CYLD: variants seen among roughly 807,000 people sequenced by gnomAD.
CYLD encodes the protein ubiquitin carboxyl-terminal hydrolase CYLD.
CYLD carries 26 observed loss-of-function variants against 104.5 expected under a neutral mutation model. The ratio of observed to expected loss-of-function variants is 0.25; its 90% CI spans 0.18 to 0.35. The LOEUF (loss-of-function observed/expected upper bound fraction) is 0.35. Ranked by LOEUF, CYLD falls within the 10% of genes least tolerant of loss-of-function variation. The pLI, the probability that CYLD is intolerant of heterozygous loss-of-function variation, is 1.00. For missense variants in CYLD, 703 were observed against 1,136.1 expected, an observed-to-expected ratio of 0.62 and a Z score of 5.48; for synonymous variants, 385 against 399.9, an observed-to-expected ratio of 0.96 and a Z score of 0.45.
At chr16:50,743,824 T>C (rs1482366454) in intron 2 of CYLD, among the ~76,000 whole-genome samples, 5 of 152,258 alleles carry the variant, frequency 3.3e-5, no homozygotes, top group African/African-American at 1.2e-4. Flanking sequence ...TGTTTCTTCT[T>C]ATATGTATAA....
intron 5 of CYLD, among the ~76,000 whole-genome samples, chr16:50,760,588 A>G (rs983818816): frequency 1.3e-5 from 2 of 152,038 alleles, no homozygotes; most frequent in Admixed American, 6.6e-5. Context: ...TCTTAATTTT[A>G]TATGTTAGAA....
Position 50,742,093 on chromosome 16 carries a change from AG to A in CYLD, c.-233del, listed in dbSNP as rs1965699325. On this transcript the variant is annotated 5_prime_UTR_variant, in exon 1 of 19. Coordinates refer to ENST00000427738, the MANE Select transcript of CYLD (RefSeq NM_001378743.1). ...GCAGGTGGGGGCGGGCCCAGGTAGC[AG>A]GTTTGGCTGCGCGGGGGCCGCGCGT... 1 of 152,234 alleles carries A rather than the reference AG, an allele frequency of 6.6e-6. No homozygotes were observed. Among genetic ancestry groups the A allele is most frequent in the Non-Finnish European group, 1.5e-5 (1 of 68,210 alleles). 9.4% of individuals were successfully genotyped at this position (152,234 alleles called of 1,614,324 possible).
intron 5 of CYLD, among the ~76,000 whole-genome samples, chr16:50,766,073 C>T (rs1352364543): frequency 6.6e-6 from 1 of 152,174 alleles, no homozygotes; most frequent in Non-Finnish European, 1.5e-5. Context: ...GCAAAACAGC[C>T]TTCTATTGGA....
At chr16:50,746,919 G>C (rs1216100109) in intron 2 of CYLD, among the ~76,000 whole-genome samples, 2 of 152,102 alleles carry the variant, frequency 1.3e-5, no homozygotes, top group Non-Finnish European at 2.9e-5. Flanking sequence ...TAGAGTAGGA[G>C]CTGTTGGTAT....
chr16:50,768,350 G>C (rs761651714), intron 5 of CYLD, among the ~76,000 whole-genome samples: 1 of 151,596 alleles, frequency 6.6e-6, no homozygotes, highest in Non-Finnish European at 1.5e-5. Flanking sequence ...TTTCTTGAGG[G>C]GAAAAAAAAG....
In CYLD at chr16:50,797,439, T is replaced by C. The variant is rs1972146160; in HGVS notation, c.*931T>C. 4.3e-6 allele frequency: 1 copy of C among 232,302 alleles called. No individual in the cohort carries two copies. The highest frequency in any genetic ancestry group is 1.8e-4 in the South Asian group (1 of 5,524). The allele number at this position is 232,302 out of a possible 1,614,324, so 14.4% of individuals were successfully genotyped here. ...TATTTTAGACAAGACTGTCTAGAAC[T>C]TAAGTTTGATCTGTCAGCCAGTACT... is the stretch of plus-strand genomic sequence containing the variant. On this transcript the variant is annotated 3_prime_UTR_variant, in exon 19 of 19. Coordinates refer to ENST00000427738, the MANE Select transcript of CYLD (RefSeq NM_001378743.1).
At chr16:50,777,755 C>A (rs574585185) in intron 7 of CYLD, 70 bp from the exon 8 acceptor site, 2 of 790,190 alleles carry the variant, frequency 2.5e-6, no homozygotes, top group African/African-American at 1.7e-5. Context: ...ATAATAATTT[C>A]TCTTACTAAA....
chr16:50,755,006 C>T (rs1376296867), intron 5 of CYLD, among the ~76,000 whole-genome samples: 1 of 10,900 alleles, frequency 9.2e-5, no homozygotes, highest in Non-Finnish European at 2.4e-4. Context: ...TGTATATATA[C>T]ATATATATGT....
Position 50,792,804 on chromosome 16 carries a change from TC to T in CYLD, c.2350+102del, listed in dbSNP as rs1360483227. 5 of 690,208 alleles carry T rather than the reference TC, an allele frequency of 7.2e-6. No individual in the cohort carries two copies. The Admixed American group carries it at 1.2e-4, about 17-fold the overall frequency. The allele number at this position is 690,208 out of a possible 1,614,324, so 42.8% of individuals were successfully genotyped here. A position where few individuals can be genotyped will look rare whatever the true frequency, so the allele number is the denominator to read the frequency against. ...TTAGACTCTAACTGGACACAGTATT[TC>T]CCAAGGCAATTCAGTATCTGAAGAG... is the stretch of plus-strand genomic sequence containing the variant. On this transcript the variant is annotated intron_variant, in intron 16 of 18. Coordinates refer to ENST00000427738, the MANE Select transcript of CYLD (RefSeq NM_001378743.1).
chr16:50,751,545 C>A (rs1040027011), intron 3 of CYLD, 59 bp from the exon 4 acceptor site: 1 of 1,501,126 alleles, frequency 6.7e-7, no homozygotes, highest in African/African-American at 1.4e-5. Flanking sequence ...AGAGTGAACC[C>A]CTTTTCCTAT....
chr16:50,753,970 G>A (rs575984232), intron 4 of CYLD, among the ~76,000 whole-genome samples: 60 of 152,248 alleles, frequency 3.9e-4, no homozygotes, highest in African/African-American at 1.3e-3. Flanking sequence ...AACTTCCTGT[G>A]CAAAATACTG....
Position 50,798,561 on chromosome 16 carries a change from C to T in CYLD, c.*2053C>T, listed in dbSNP as rs940531388. The T allele has an allele frequency of 1.7e-5, 4 of 231,668 alleles. No individual in the cohort carries two copies. In the South Asian group the frequency reaches 7.3e-4, roughly 42 times the overall value. The allele number at this position is 231,668 out of a possible 1,614,324, so 14.4% of individuals were successfully genotyped here. A position where few individuals can be genotyped will look rare whatever the true frequency, so the allele number is the denominator to read the frequency against. On this transcript the variant is annotated 3_prime_UTR_variant, in exon 19 of 19. Coordinates refer to ENST00000427738, the MANE Select transcript of CYLD (RefSeq NM_001378743.1). ...TATCTGCAGGGATCCTGGAACCAAA[C>T]CCCTGCAGATACTAAGGGCTGACGA...
chr16:50,759,327 C>G (rs182130135), intron 5 of CYLD, among the ~76,000 whole-genome samples: 1 of 152,228 alleles, frequency 6.6e-6, no homozygotes, highest in African/African-American at 2.4e-5. Context: ...ACTCATGAAA[C>G]TGACCATCTA....
chr16:50,794,761 C>T lies in CYLD; in HGVS notation c.2686+333C>T. ...TCAGCCTCCTGAGTAGCTGGGACTA[C>T]ACGCATATGCCACCATGCCTGGCTA... On this transcript the variant is annotated intron_variant, in intron 18 of 18. Transcript: ENST00000427738. This position sits in a 1 kb window ranked among gnomAD's most constrained non-coding sequence, Gnocchi z 4.1. 2.7e-6 allele frequency: 1 copy of T among 370,754 alleles called. No individual in the cohort carries two copies. Among genetic ancestry groups the T allele is most frequent in the East Asian group, 6.7e-5 (1 of 14,914 alleles). 23.0% of individuals were successfully genotyped at this position (370,754 alleles called of 1,614,324 possible).
At chr16:50,745,172 T>C (rs1458772376) in intron 2 of CYLD, among the ~76,000 whole-genome samples, 1 of 152,096 alleles carries the variant, frequency 6.6e-6, no homozygotes, top group Non-Finnish European at 1.5e-5. Flanking sequence ...AATAAGAGAA[T>C]ACAAGTGAAA....
At position 50,758,581 on chromosome 16, in the gene CYLD, CG is replaced by C. The variant is rs541552660; in HGVS notation, c.913+4159del. ...CTGTTGTAGTTATCCACGTGAGAGACGGTGGTGGCTGGGACTGGGGTGGTAT... is the reference window on the plus strand; with the variant it reads ...CTGTTGTAGTTATCCACGTGAGAGACGTGGTGGCTGGGACTGGGGTGGTAT... On this transcript the variant is annotated intron_variant, in intron 5 of 18. Transcript: ENST00000427738. 3.0e-3 allele frequency among the ~76,000 whole-genome samples: 456 copies of C among 152,140 alleles called. 2 individuals carry two copies. Among genetic ancestry groups the C allele is most frequent in the Middle Eastern group, 0.017 (5 of 294 alleles).
chr16:50,742,310 A>G (rs986461893), intron 1 of CYLD, 186 bp downstream of exon 1: 1 of 150,198 alleles, frequency 6.7e-6, no homozygotes, highest in Non-Finnish European at 1.5e-5. Context: ...CGCCGCGGCG[A>G]CCATCGGGCC....
intron 1 of CYLD, chr16:50,742,481 C>T (rs1036887867): frequency 6.8e-6 from 2 of 294,360 alleles, no homozygotes; most frequent in Non-Finnish European, 1.2e-5. Context: ...GGGGTCGCCA[C>T]CATCGGGACC....
chr16:50,751,943 T>C (rs1966654661), intron 4 of CYLD, 37 bp downstream of exon 4: 1 of 908,154 alleles, frequency 1.1e-6, no homozygotes, highest in East Asian at 3.2e-5. Context: ...TTGTGATATA[T>C]ATATTAGTTT....
Sources: gnomAD v4.1 joint callset for allele counts (sites outside exome capture counted in the v4.1 genomes callset) on GRCh38, gnomAD v4.1.1 for gene constraint, Gnocchi (gnomAD v3.1) non-coding constraint, MANE v1.5 for transcripts, NCBI Gene and HGNC (gene_info 2026-07-23, HGNC 2026-07-21) for gene names.